AP1G2: variants seen among roughly 807,000 people sequenced by gnomAD.
AP1G2 encodes AP-1 complex subunit gamma-like 2.
In AP1G2, 85 loss-of-function variants were observed where a neutral mutation model predicts 95.8. That is an observed-to-expected ratio of 0.89 (90% CI 0.74 to 1.06). AP1G2 has a LOEUF of 1.06. Ranked by LOEUF, AP1G2 falls within the 50% of genes least tolerant of loss-of-function variation. AP1G2 has a pLI of 0.00. For missense variants in AP1G2, 967 were observed against 1,005.8 expected, an observed-to-expected ratio of 0.96 and a Z score of 0.52; for synonymous variants, 378 against 400.0, an observed-to-expected ratio of 0.94 and a Z score of 0.66.
intron 6 of AP1G2, 46 bp from the exon 7 acceptor site, chr14:23,565,747 G>C (rs1887567126): frequency 6.2e-7 from 1 of 1,609,084 alleles, no homozygotes; most frequent in Non-Finnish European, 8.5e-7. Flanking sequence ...ATCCTCTCCA[G>C]CTAAAGCCCC....
In AP1G2 at chr14:23,561,412, A is replaced by G; in HGVS notation, c.1877T>C (p.Leu626Pro). 1 of 1,608,984 alleles carries G rather than the reference A, an allele frequency of 6.2e-7. No homozygotes were observed. The highest frequency in any genetic ancestry group is 8.5e-7 in the Non-Finnish European group (1 of 1,176,478). Residue 626 changes from leucine (L) to proline (P), a missense_variant, in exon 19 of 22, where the codon CTG becomes CCG. Transcript: ENST00000397120. ...AGAAGCCCCATCCAGGAGATCTAGC[A>G]GATCCAGGAGCTGTGAGGCCTGGCA... ...TEPQASQLLD[L>P]LDLLDGASGD...
chr14:23,564,123 C>T lies in AP1G2; in HGVS notation c.1014G>A (p.Gln338=), dbSNP rs370785145. Reference sequence around the variant, plus strand: ...GCCGCTGCACAGCACTGTGATCAGACTGCACCAGTCGAAGCAGTGATGTCA... The same window carrying T: ...GCCGCTGCACAGCACTGTGATCAGATTGCACCAGTCGAAGCAGTGATGTCA... ...VALTSLLRLV[Q]SDHSAVQRHR... Residue 338 remains glutamine, a synonymous_variant, in exon 11 of 22, where the codon CAG becomes CAA. Transcript: ENST00000397120. 4.3e-6 allele frequency: 7 copies of T among 1,614,070 alleles called. No homozygotes were observed. Among genetic ancestry groups the T allele is most frequent in the Middle Eastern group, 1.6e-4 (1 of 6,084 alleles).
At position 23,562,067 on chromosome 14, in the gene AP1G2, C is replaced by T; in HGVS notation, c.1629-1G>A. The T allele has an allele frequency of 6.2e-7, 1 of 1,612,904 alleles. No individual in the cohort carries two copies. The highest frequency in any genetic ancestry group is 8.5e-7 in the Non-Finnish European group (1 of 1,179,556). ...GATGGACACCACCTGGCGGATGCGGCTGGGCCAGTGTAGTATGTAAGTGGC... is the reference window on the plus strand; with the variant it reads ...GATGGACACCACCTGGCGGATGCGGTTGGGCCAGTGTAGTATGTAAGTGGC... On this transcript the variant is annotated splice_acceptor_variant, in intron 16 of 21. Coordinates refer to ENST00000397120, the MANE Select transcript of AP1G2 (RefSeq NM_003917.5). LOFTEE classifies it high-confidence loss of function.
Position 23,567,195 on chromosome 14 carries a change from G to A in AP1G2, c.120C>T (p.Arg40=), listed in dbSNP as rs755587310. The part of the protein sequence containing the change: ...KECAHIRASF[R]DGDPVHRHRQ... ...GGTGCCTGTGCACTGGGTCCCCGTC[G>A]CGGAAGGAGGCCCGGATGTGGGCAC... The change falls in exon 2 of 22, where the codon CGC becomes CGT. Residue 40 remains arginine, a synonymous_variant. Coordinates refer to ENST00000397120, the MANE Select transcript of AP1G2 (RefSeq NM_003917.5). This position sits in a 1 kb window ranked among gnomAD's most constrained non-coding sequence, Gnocchi z 5.3. 4 of 1,612,908 alleles carry A rather than the reference G, an allele frequency of 2.5e-6. No homozygotes were observed. In the African/African-American group the frequency reaches 5.3e-5, roughly 22 times the overall value.
chr14:23,561,854 G>A (rs149095512), intron 17 of AP1G2, 108 bp downstream of exon 17: 47 of 1,484,732 alleles, frequency 3.2e-5, no homozygotes, highest in Middle Eastern at 3.9e-4. Flanking sequence ...AGCTCTCACC[G>A]TGGATATGGA....
intron 21 of AP1G2, 21 bp downstream of exon 21, chr14:23,559,917 G>T: frequency 6.2e-7 from 1 of 1,611,250 alleles, no homozygotes; most frequent in South Asian, 1.1e-5. Context: ...GTCTTGTCTT[G>T]GGGGAACTCC....
chr14:23,566,622 GC>G lies in AP1G2; in HGVS notation c.268del (p.Ala90ProfsTer23), dbSNP rs1566665043. On this transcript the variant is annotated frameshift_variant, in exon 3 of 22. Coordinates refer to ENST00000397120, the MANE Select transcript of AP1G2 (RefSeq NM_003917.5). LOFTEE classifies it high-confidence loss of function. ...GTGCCTCTCATCCAATAGAAGCATG[GC>G]CCCCAGGTAGCCCACCCTCTTGTCT... ...FTDKRVGYLG[A>X]MLLLDERHDA... 1 of 1,614,170 alleles carries G rather than the reference GC, an allele frequency of 6.2e-7. No homozygotes were observed. Among genetic ancestry groups the G allele is most frequent in the Admixed American group, 1.7e-5 (1 of 60,026 alleles).
At chr14:23,566,752 C>T in intron 2 of AP1G2, 66 bp from the exon 3 acceptor site, 1 of 1,585,230 alleles carries the variant, frequency 6.3e-7, no homozygotes, top group Non-Finnish European at 8.6e-7. Context: ...ATCCCTGTTC[C>T]ATCTTCCTCT....
At position 23,561,529 on chromosome 14, in the gene AP1G2, C is replaced by G. The variant is rs1884678929; in HGVS notation, c.1840G>C (p.Val614Leu). Reference protein sequence around the residue: ...EAAQLSEAAPVPTEPQASQLL... With the variant: ...EAAQLSEAAPLPTEPQASQLL... Reference sequence around the variant, plus strand: ...CTTCTCACCTGGGGCTCTGTGGGCACTGGGGCTGCTTCTGAAAGCTGGGCT... The same window carrying G: ...CTTCTCACCTGGGGCTCTGTGGGCAGTGGGGCTGCTTCTGAAAGCTGGGCT... Residue 614 changes from valine (V) to leucine (L), a missense_variant, in exon 18 of 22, where the codon GTG becomes CTG. Val to Leu is a conservative substitution (Grantham distance 32). Coordinates refer to ENST00000397120, the MANE Select transcript of AP1G2 (RefSeq NM_003917.5). 5 of 1,614,222 alleles carry G rather than the reference C, an allele frequency of 3.1e-6. No individual in the cohort carries two copies. The highest frequency in any genetic ancestry group is 4.2e-6 in the Non-Finnish European group (5 of 1,180,044).
chr14:23,566,209 G>C, intron 4 of AP1G2, 49 bp from the exon 5 acceptor site: 1 of 1,599,288 alleles, frequency 6.3e-7, no homozygotes, highest in Non-Finnish European at 8.5e-7. Flanking sequence ...ATGGACCCCT[G>C]CATCTACTAC....
Position 23,563,656 on chromosome 14 carries a change from C to T in AP1G2, c.1233-18G>A, listed in dbSNP as rs745845243. On this transcript the variant is annotated intron_variant, in intron 12 of 21. Transcript: ENST00000397120. ...GAGCAAACCTAGGGGATATATGGCT[C>T]ATCAGTCCTGGTACTGACGCTCCCC... The T allele has an allele frequency of 3.7e-6, 6 of 1,614,194 alleles. No homozygotes were observed. The highest frequency in any genetic ancestry group is 1.1e-5 in the South Asian group (1 of 91,086).
At position 23,561,632 on chromosome 14, in the gene AP1G2, A is replaced by C; in HGVS notation, c.1737T>G (p.Ala579=). ...CAAGAGGCATTTTTTCCAGGATGGC[A>C]GCCCTGAGAGGATGGAATGCAAGTG... ...TLFRKYDHMR[A]AILEKMPLVE... Residue 579 remains alanine (A), a synonymous_variant, in exon 18 of 22, where the codon GCT becomes GCG. Coordinates refer to ENST00000397120, the MANE Select transcript of AP1G2 (RefSeq NM_003917.5). 1 of 1,613,818 alleles carries C rather than the reference A, an allele frequency of 6.2e-7. No individual in the cohort carries two copies. The highest frequency in any genetic ancestry group is 8.5e-7 in the Non-Finnish European group (1 of 1,179,974).
rs148891229 is a variant in AP1G2 at position 23,565,861 on chromosome 14, C to A, written c.600G>T (p.Thr200=). 3 of 1,577,306 alleles carry A rather than the reference C, an allele frequency of 1.9e-6. No individual in the cohort carries two copies. Among genetic ancestry groups the A allele is most frequent in the African/African-American group, 1.3e-5 (1 of 74,430 alleles). Residue 200 remains threonine (T), a synonymous_variant, in exon 6 of 22, where the codon ACG becomes ACT. Transcript: ENST00000397120. ...GILLGTITLI[T]ELCERSPAAL... is the part of the protein sequence containing the mutation. ...CTGCAGGGCTTCGTTCGCAGAGCTC[C>A]GTGATCAGCGTGATGGTGCCCAGCA... is the stretch of plus-strand genomic sequence containing the variant.
intron 9 of AP1G2, 44 bp from the exon 10 acceptor site, chr14:23,564,432 G>A (rs778163546): frequency 5.6e-6 from 9 of 1,611,110 alleles, no homozygotes; most frequent in Middle Eastern, 1.7e-4. Context: ...GGAGCAACCT[G>A]CTCAGCCATT....
chr14:23,563,568 C>G lies in AP1G2; in HGVS notation c.1287+16G>C. On this transcript the variant is annotated intron_variant, in intron 13 of 21. Transcript: ENST00000397120. ...TGACCACTTCTGCCCAGCTCTCTGA[C>G]TGGCCCCTGCCTCACCGTTGTCAGC... 6.2e-7 allele frequency: 1 copy of G among 1,614,254 alleles called. No individual in the cohort carries two copies. The highest frequency in any genetic ancestry group is 8.5e-7 in the Non-Finnish European group (1 of 1,180,026).
chr14:23,564,225 G>T, intron 10 of AP1G2, 66 bp from the exon 11 acceptor site: 1 of 1,612,224 alleles, frequency 6.2e-7, no homozygotes, highest in Non-Finnish European at 8.5e-7. Flanking sequence ...TCCTGTCCTG[G>T]GTATAGGGAT....
intron 19 of AP1G2, 163 bp downstream of exon 19, chr14:23,561,133 G>C (rs942646650): frequency 7.3e-7 from 1 of 1,364,522 alleles, no homozygotes; most frequent in East Asian, 2.6e-5. Flanking sequence ...AGGGAAGACA[G>C]ATGACCATGA....
rs1404021198 is a variant in AP1G2, at chr14:23,559,858, TAGG to T, written c.2257-11_2257-9del. 5.6e-6 allele frequency: 9 copies of T among 1,613,888 alleles called. No individual in the cohort carries two copies. In the African/African-American group the frequency reaches 1.2e-4, roughly 22 times the overall value. On this transcript the variant is annotated splice_polypyrimidine_tract_variant and intron_variant, in intron 21 of 21. Transcript: ENST00000397120. ...CTTTAGCCGCAGGGGGGCCTAGGAA[TAGG>T]AGAGCAGGGACCAGGGTTAGCACCC... is the stretch of plus-strand genomic sequence containing the variant.
Position 23,560,054 on chromosome 14 carries a change from A to G in AP1G2, c.2158-18T>C. 1.3e-6 allele frequency: 2 copies of G among 1,551,406 alleles called. No individual in the cohort carries two copies. Among genetic ancestry groups the G allele is most frequent in the Non-Finnish European group, 1.8e-6 (2 of 1,128,614 alleles). On this transcript the variant is annotated intron_variant, in intron 20 of 21. Coordinates refer to ENST00000397120, the MANE Select transcript of AP1G2 (RefSeq NM_003917.5). Reference sequence around the variant, plus strand: ...TGGAGACTCTGAACACAGGAGTTTAACAGAGCACAGTATGGCAGTAGGTAG... The same window carrying G: ...TGGAGACTCTGAACACAGGAGTTTAGCAGAGCACAGTATGGCAGTAGGTAG...
Sources: gnomAD v4.1 joint callset for allele counts on GRCh38, gnomAD v4.1.1 for gene constraint, Gnocchi (gnomAD v3.1) non-coding constraint, MANE v1.5 for transcripts, NCBI Gene and HGNC (gene_info 2026-07-23, HGNC 2026-07-21) for gene names.